The following CSMD1 variants were observed in gnomAD, a reference collection of about 807,000 sequenced individuals.
The protein encoded by CSMD1 is CUB and sushi domain-containing protein 1.
Under a neutral mutation model 417.5 loss-of-function variants are expected in CSMD1, and 213 were observed. That is an observed-to-expected ratio of 0.51 (90% CI 0.46 to 0.57). The LOEUF (loss-of-function observed/expected upper bound fraction) is 0.57, where lower values mean the gene tolerates loss of function less well. CSMD1 is among the 20% of genes least tolerant of loss of function. The probability of loss-of-function intolerance (pLI) is 0.00; values close to 1 mark genes in which losing one functional copy is unlikely to be tolerated. For synonymous variants in CSMD1, 2,862 were observed against 1,736.8 expected (o/e 1.65, Z -16.11); for missense variants, 6,923 against 4,529.7 (o/e 1.53, Z -15.17).
At chr8:4,838,701 G>A (rs1275749858) in intron 1 of CSMD1, among the ~76,000 whole-genome samples, 3 of 152,178 alleles carry the variant, frequency 2.0e-5, no homozygotes, top group Admixed American at 6.5e-5. Context: ...ATTTGCAGAG[G>A]ACACTTGCCC....
chr8:4,259,248 T>C (rs1321196460), intron 3 of CSMD1, among the ~76,000 whole-genome samples: 1 of 152,108 alleles, frequency 6.6e-6, no homozygotes, highest in East Asian at 1.9e-4. Context: ...ACAGACAATC[T>C]TTTCCTAAAC....
chr8:3,029,257 A>G, intron 51 of CSMD1, 62 bp downstream of exon 51: 2 of 1,403,834 alleles, frequency 1.4e-6, no homozygotes, highest in East Asian at 2.3e-5. Flanking sequence ...CACCACTGAC[A>G]TAAGCCATCT....
chr8:3,733,511 G>A (rs1796374279), intron 6 of CSMD1, among the ~76,000 whole-genome samples: 1 of 152,052 alleles, frequency 6.6e-6, no homozygotes, highest in Non-Finnish European at 1.5e-5. Flanking sequence ...ACCGCGTTCT[G>A]AAAATATTCA....
chr8:3,699,284 T>C (rs1047505833), intron 7 of CSMD1, among the ~76,000 whole-genome samples: 1 of 152,250 alleles, frequency 6.6e-6, no homozygotes, highest in Non-Finnish European at 1.5e-5. Flanking sequence ...AAATTTCTCA[T>C]AATTTTCCTG....
intron 1 of CSMD1, among the ~76,000 whole-genome samples, chr8:4,730,020 C>G (rs1809739298): frequency 6.6e-6 from 1 of 152,138 alleles, no homozygotes; most frequent in Non-Finnish European, 1.5e-5. Context: ...TCAGAGCACA[C>G]CTGCTCCCAT....
chr8:4,060,077 C>G (rs537297853), intron 3 of CSMD1, among the ~76,000 whole-genome samples: 2 of 152,108 alleles, frequency 1.3e-5, no homozygotes, highest in Non-Finnish European at 2.9e-5. Flanking sequence ...CAGCAGCACA[C>G]CAAAAAGCCT....
At chr8:3,926,049 CATAT>C (rs1219105288) in intron 5 of CSMD1, among the ~76,000 whole-genome samples, 3 of 37,382 alleles carry the variant, frequency 8.0e-5, no homozygotes, top group African/African-American at 2.0e-4. Context: ...ACACAAACAC[CATAT>C]ACACACACAC....
chr8:3,002,501 A>G (rs1807495623), intron 52 of CSMD1, among the ~76,000 whole-genome samples: 1 of 152,176 alleles, frequency 6.6e-6, no homozygotes, highest in Non-Finnish European at 1.5e-5. Context: ...TCCTTTTGGA[A>G]TTACTTCTGA....
Position 3,223,657 on chromosome 8 carries a change from C to A in CSMD1, c.4484+72G>T, listed in dbSNP as rs565627836. The A allele has an allele frequency of 9.7e-4, 1,456 of 1,503,282 alleles. 2 individuals are homozygous for A. Among genetic ancestry groups the A allele is most frequent in the Non-Finnish European group, 1.2e-3 (1,333 of 1,086,444 alleles). 93.1% of individuals were successfully genotyped at this position (1,503,282 alleles called of 1,614,324 possible). A position where few individuals can be genotyped will look rare whatever the true frequency, so the allele number is the denominator to read the frequency against. ...GATATAACATTAGAGACTATGAGGTCATAAAAGAAGTAATTTTTAGGTATG... is the reference window on the plus strand; with the variant it reads ...GATATAACATTAGAGACTATGAGGTAATAAAAGAAGTAATTTTTAGGTATG... On this transcript the variant is annotated intron_variant, in intron 28 of 69. Transcript: ENST00000635120.
At chr8:4,101,043 C>G (rs1333004340) in intron 3 of CSMD1, among the ~76,000 whole-genome samples, 1 of 152,130 alleles carries the variant, frequency 6.6e-6, no homozygotes, top group Non-Finnish European at 1.5e-5. Context: ...CAGAATGATG[C>G]AAAGGCAGAT....
chr8:4,205,115 A>G (rs1479890687), intron 3 of CSMD1, among the ~76,000 whole-genome samples: 1 of 152,248 alleles, frequency 6.6e-6, no homozygotes, highest in East Asian at 1.9e-4. Flanking sequence ...ATGATTTAAC[A>G]TAAACACATT....
chr8:4,115,277 G>A (rs1267635899), intron 3 of CSMD1, among the ~76,000 whole-genome samples: 1 of 152,200 alleles, frequency 6.6e-6, no homozygotes, highest in African/African-American at 2.4e-5. Context: ...TGAACGCTTA[G>A]ATAATTTTTA....
At chr8:4,040,663 TA>T (rs1797839253) in intron 3 of CSMD1, among the ~76,000 whole-genome samples, 1 of 152,068 alleles carries the variant, frequency 6.6e-6, no homozygotes, top group African/African-American at 2.4e-5. Flanking sequence ...AACATAGTTT[TA>T]AAAAACATGT....
chr8:3,838,049 T>C (rs1223479033), intron 5 of CSMD1, among the ~76,000 whole-genome samples: 1 of 152,124 alleles, frequency 6.6e-6, no homozygotes, highest in African/African-American at 2.4e-5. Context: ...TATTGATTAG[T>C]GTGACTTGGA....
rs1276589038 is a variant in CSMD1 at position 4,117,620 on chromosome 8, A to C, written c.416-85521T>G. 2.0e-5 allele frequency among the ~76,000 whole-genome samples: 3 copies of C among 152,184 alleles called. No individual in the cohort carries two copies. In the East Asian group the frequency reaches 5.8e-4, roughly 29 times the overall value. ...TTACAAAGGACTTCCAGTTAGAGAA[A>C]AGGTGTGTTAAAACGCTGAAGCGCC... On this transcript the variant is annotated intron_variant, in intron 3 of 69. Coordinates refer to ENST00000635120, the MANE Select transcript of CSMD1 (RefSeq NM_033225.6).
chr8:3,613,216 G>C (rs1432958191), intron 8 of CSMD1: 6 of 340,562 alleles, frequency 1.8e-5, no homozygotes, highest in South Asian at 1.2e-4. Context: ...CACTGAAGTA[G>C]AAGTAGATCA....
chr8:4,295,615 T>TTATA (rs933713572), intron 3 of CSMD1, among the ~76,000 whole-genome samples: 2 of 144,866 alleles, frequency 1.4e-5, no homozygotes, highest in Non-Finnish European at 3.0e-5. Context: ...AATCCTAAGA[T>TTATA]TATATATATA....
chr8:3,145,522 G>C (rs1818789888), intron 40 of CSMD1, among the ~76,000 whole-genome samples: 1 of 152,018 alleles, frequency 6.6e-6, no homozygotes, highest in Admixed American at 6.6e-5. Context: ...AGTTTGAAAA[G>C]GAAATGGAAT....
At chr8:3,640,231 T>C (rs559290984) in intron 7 of CSMD1, among the ~76,000 whole-genome samples, 2 of 152,278 alleles carry the variant, frequency 1.3e-5, no homozygotes, top group South Asian at 4.1e-4. Flanking sequence ...TGAGAATTGA[T>C]TAAATAAATA....
Sources: allele counts gnomAD v4.1 joint callset (sites outside exome capture counted in the v4.1 genomes callset), GRCh38; gene constraint gnomAD v4.1.1; transcripts MANE v1.5; gene names NCBI Gene and HGNC (gene_info 2026-07-23, HGNC 2026-07-21).